Variants in PTPRK observed in about 807,000 individuals in gnomAD.
PTPRK encodes protein tyrosine phosphatase receptor type K, also known as receptor-type tyrosine-protein phosphatase kappa.
A neutral mutation model predicts 178.0 loss-of-function variants in PTPRK; 75 were observed. That is an observed-to-expected ratio of 0.42 (90% CI 0.35 to 0.51). PTPRK has a LOEUF of 0.51. Among genes scored for constraint, PTPRK ranks in the 20% least tolerant of loss-of-function variants. The pLI is 0.02. For missense variants in PTPRK, 1,441 were observed against 1,797.8 expected (o/e 0.80, Z 3.59); for synonymous variants, 637 against 620.6 (o/e 1.03, Z -0.39).
intron 5 of PTPRK, among the ~76,000 whole-genome samples, chr6:128,225,602 C>A (rs745741111): frequency 6.6e-6 from 1 of 152,038 alleles, no homozygotes; most frequent in Non-Finnish European, 1.5e-5. Context: ...ATTCCAAAAA[C>A]ATGAAATCAT....
chr6:128,387,645 G>A (rs898317440), intron 2 of PTPRK, among the ~76,000 whole-genome samples: 6 of 151,806 alleles, frequency 4.0e-5, no homozygotes, highest in African/African-American at 9.7e-5. Context: ...CTCTTTCTTC[G>A]TTTTGGAGGT....
At chr6:128,501,744 A>G (rs886146505) in intron 1 of PTPRK, among the ~76,000 whole-genome samples, 3 of 152,252 alleles carry the variant, frequency 2.0e-5, no homozygotes, top group African/African-American at 7.2e-5. Flanking sequence ...TGAAATAATC[A>G]AAAGTAACTT....
At chr6:128,249,610 T>C (rs1213101988) in intron 3 of PTPRK, among the ~76,000 whole-genome samples, 1 of 152,126 alleles carries the variant, frequency 6.6e-6, no homozygotes, top group Non-Finnish European at 1.5e-5. Context: ...TATTACAACA[T>C]CCATGTAACC....
chr6:128,085,835 T>G (rs889141154), intron 8 of PTPRK, among the ~76,000 whole-genome samples: 1 of 152,166 alleles, frequency 6.6e-6, no homozygotes, highest in Non-Finnish European at 1.5e-5. Flanking sequence ...TGTCGTGTAC[T>G]TGGATGATCA....
rs1206751637 is a variant in PTPRK, at chr6:128,305,669, T to C, written c.495+16370A>G. Among the ~76,000 whole-genome samples, 4 of 152,188 alleles carry C rather than the reference T, an allele frequency of 2.6e-5. No homozygotes were observed. The East Asian group carries it at 7.7e-4, about 29-fold the overall frequency. Reference sequence around the variant, plus strand: ...TTCAGAAAAATACAGATTCTGTCAATTATTCTAAGTAAAACTCAAATGTTT... The same window carrying C: ...TTCAGAAAAATACAGATTCTGTCAACTATTCTAAGTAAAACTCAAATGTTT... On this transcript the variant is annotated intron_variant, in intron 3 of 29. Coordinates refer to ENST00000368226, the MANE Select transcript of PTPRK (RefSeq NM_002844.4).
intron 24 of PTPRK, among the ~76,000 whole-genome samples, chr6:127,982,605 T>G (rs1046281941): frequency 1.4e-4 from 22 of 152,172 alleles, no homozygotes; most frequent in African/African-American, 4.8e-4. Flanking sequence ...CCTTTCCCCT[T>G]TGCTCTTCCC....
chr6:128,030,937 T>C (rs969250910), intron 13 of PTPRK, among the ~76,000 whole-genome samples: 10 of 152,180 alleles, frequency 6.6e-5, no homozygotes, highest in Non-Finnish European at 1.5e-5. Context: ...CCAGCAAATA[T>C]TTATTAGACA....
At chr6:128,374,681 C>A (rs1342419805) in intron 2 of PTPRK, among the ~76,000 whole-genome samples, 1 of 152,150 alleles carries the variant, frequency 6.6e-6, no homozygotes, top group Non-Finnish European at 1.5e-5. Flanking sequence ...ATTATCACAA[C>A]TGCCTAATAG....
intron 2 of PTPRK, among the ~76,000 whole-genome samples, chr6:128,379,737 T>C (rs1837612105): frequency 6.6e-6 from 1 of 152,194 alleles, no homozygotes; most frequent in Non-Finnish European, 1.5e-5. Context: ...CAGACTCTTA[T>C]GAAACATTTG....
At chr6:128,410,886 G>A (rs1052636929) in intron 1 of PTPRK, among the ~76,000 whole-genome samples, 10 of 152,056 alleles carry the variant, frequency 6.6e-5, no homozygotes, top group Admixed American at 1.3e-4. Flanking sequence ...CCAGCCTTAC[G>A]TTTGTTTGTT....
intron 7 of PTPRK, among the ~76,000 whole-genome samples, chr6:128,181,845 A>G (rs1453991138): frequency 6.6e-6 from 1 of 152,122 alleles, no homozygotes; most frequent in African/African-American, 2.4e-5. Context: ...TAATTATACT[A>G]TATATCAATT....
In PTPRK at chr6:128,519,348, G is replaced by C. The variant is rs112817629; in HGVS notation, c.100+911C>G. Among the ~76,000 whole-genome samples the C allele has an allele frequency of 0.021, 3,123 of 152,328 alleles. 61 individuals are homozygous for C. Among genetic ancestry groups the C allele is most frequent in the African/African-American group, 0.049 (2,029 of 41,570 alleles). ...CCAGGGTTCACGGACTTCTCTGAGC[G>C]GCTTGACCGAGAACCCCCAGGGCTA... On this transcript the variant is annotated intron_variant, in intron 1 of 29. Transcript: ENST00000368226. This position sits in a 1 kb window ranked among gnomAD's most constrained non-coding sequence, Gnocchi z 4.3.
intron 21 of PTPRK, among the ~76,000 whole-genome samples, chr6:127,987,583 A>G (rs539014313): frequency 6.6e-6 from 1 of 152,290 alleles, no homozygotes; most frequent in East Asian, 1.9e-4. Context: ...GGTCATTTAA[A>G]TAAATGTTTA....
At chr6:127,993,269 G>A (rs1457080080) in intron 18 of PTPRK, among the ~76,000 whole-genome samples, 1 of 151,668 alleles carries the variant, frequency 6.6e-6, no homozygotes, top group Non-Finnish European at 1.5e-5. Context: ...TGCTCACAAT[G>A]TTAATTTACA....
At chr6:128,129,778 G>T (rs962250724) in intron 7 of PTPRK, among the ~76,000 whole-genome samples, 1 of 152,036 alleles carries the variant, frequency 6.6e-6, no homozygotes, top group African/African-American at 2.4e-5. Flanking sequence ...TTAAGGTATT[G>T]CATTTTATTA....
At chr6:128,351,451 C>T (rs1433076830) in intron 2 of PTPRK, among the ~76,000 whole-genome samples, 1 of 152,030 alleles carries the variant, frequency 6.6e-6, no homozygotes, top group African/African-American at 2.4e-5. Flanking sequence ...GAACTTCAGC[C>T]TCAAAAATAA....
chr6:128,088,990 T>G (rs1480297327), intron 8 of PTPRK, among the ~76,000 whole-genome samples: 2 of 152,152 alleles, frequency 1.3e-5, no homozygotes, highest in Non-Finnish European at 2.9e-5. Context: ...GAGACGGAGT[T>G]TTGCTCTTGT....
chr6:128,003,754 G>T (rs1416898964), intron 15 of PTPRK, among the ~76,000 whole-genome samples: 3 of 151,810 alleles, frequency 2.0e-5, no homozygotes, highest in African/African-American at 7.2e-5. Flanking sequence ...AAATTAAGTA[G>T]TTAAAGAGAT....
At chr6:128,121,847 C>T (rs145243837) in intron 7 of PTPRK, among the ~76,000 whole-genome samples, 2 of 152,094 alleles carry the variant, frequency 1.3e-5, no homozygotes, top group African/African-American at 4.8e-5. Flanking sequence ...CTGAACTTAG[C>T]ACTATACTCC....
Sources: allele counts gnomAD v4.1 joint callset (sites outside exome capture counted in the v4.1 genomes callset), GRCh38; gene constraint gnomAD v4.1.1; non-coding constraint Gnocchi (gnomAD v3.1); transcripts MANE v1.5; gene names NCBI Gene and HGNC (gene_info 2026-07-23, HGNC 2026-07-21).